Variants in NXPE4 observed in about 807,000 individuals in gnomAD.
NXPE4 encodes the protein neurexophilin and PC-esterase domain family member 4.
In NXPE4, 42 loss-of-function variants were observed where a neutral mutation model predicts 33.3. The observed-to-expected ratio is 1.26, with a 90% confidence interval of 0.98 to 1.63. NXPE4 has a LOEUF of 1.63. Among genes scored for constraint, NXPE4 ranks in the 40% most tolerant of loss-of-function variants. The probability of loss-of-function intolerance (pLI) is 0.00; values close to 1 mark genes in which losing one functional copy is unlikely to be tolerated. For synonymous variants in NXPE4, 253 were observed against 234.9 expected, an observed-to-expected ratio of 1.08 and a Z score of -0.71; for missense variants, 709 against 647.6, an observed-to-expected ratio of 1.09 and a Z score of -1.03.
the NXPE4 span, among the ~76,000 whole-genome samples, chr11:114,607,116 C>T: frequency 2.1e-4 from 31 of 150,688 alleles, no homozygotes; most frequent in Admixed American, 1.1e-3. Flanking sequence ...CACTGTTACC[C>T]GGTTTATAAT....
chr11:114,577,909 C>T (rs147226011), intron 5 of NXPE4, among the ~76,000 whole-genome samples: 71 of 152,244 alleles, frequency 4.7e-4, no homozygotes, highest in African/African-American at 1.7e-3. Context: ...ATAAGTATTA[C>T]TAGTCATTTG....
the NXPE4 span, among the ~76,000 whole-genome samples, chr11:114,628,448 A>G: frequency 6.6e-6 from 1 of 152,222 alleles, no homozygotes; most frequent in Non-Finnish European, 1.5e-5. Context: ...TGAAAGCAGA[A>G]ATAAAGATGT....
At chr11:114,572,937 G>GA (rs1230706759) in intron 5 of NXPE4, among the ~76,000 whole-genome samples, 2 of 152,076 alleles carry the variant, frequency 1.3e-5, no homozygotes, top group East Asian at 1.9e-4. Flanking sequence ...CAAGATGAAG[G>GA]AAAAAATCTT....
At chr11:114,577,674 G>A (rs1236614209) in intron 5 of NXPE4, among the ~76,000 whole-genome samples, 1 of 152,166 alleles carries the variant, frequency 6.6e-6, no homozygotes, top group East Asian at 1.9e-4. Context: ...TTCCTTGGAG[G>A]ATTATGTGGT....
chr11:114,674,834 A>T, the NXPE4 span, among the ~76,000 whole-genome samples: 1 of 151,816 alleles, frequency 6.6e-6, no homozygotes. Flanking sequence ...TCAAAGCCAG[A>T]CAAGGACGCT....
chr11:114,584,867 G>T (rs917184371), intron 2 of NXPE4, among the ~76,000 whole-genome samples: 6 of 152,274 alleles, frequency 3.9e-5, no homozygotes, highest in Admixed American at 3.3e-4. Context: ...GCTGTGCTGG[G>T]TGATCTCTTC....
At chr11:114,630,389 C>A in the NXPE4 span, among the ~76,000 whole-genome samples, 1 of 151,786 alleles carries the variant, frequency 6.6e-6, no homozygotes, top group African/African-American at 2.4e-5. Context: ...ACTATCTGAT[C>A]TTTGAGAAAC....
upstream of NXPE4, among the ~76,000 whole-genome samples, chr11:114,599,537 G>T (rs754494279): frequency 6.6e-6 from 1 of 152,128 alleles, no homozygotes; most frequent in Admixed American, 6.6e-5. Flanking sequence ...AAATATTTGA[G>T]ACTGGGTAAT....
chr11:114,677,612 C>T, the NXPE4 span, among the ~76,000 whole-genome samples: 432 of 152,046 alleles, frequency 2.8e-3, 5 homozygotes, highest in Admixed American at 0.019. Flanking sequence ...GCTGTGATTA[C>T]AGTTCTGATA....
the NXPE4 span, among the ~76,000 whole-genome samples, chr11:114,632,699 TATATA>T: frequency 1.1e-3 from 77 of 71,960 alleles, no homozygotes; most frequent in African/African-American, 3.4e-3. Context: ...TTTATATATT[TATATA>T]ATATAATATA....
At chr11:114,636,053 C>G in the NXPE4 span, among the ~76,000 whole-genome samples, 1 of 151,218 alleles carries the variant, frequency 6.6e-6, no homozygotes, top group Admixed American at 6.6e-5. Flanking sequence ...CCAGTTCCTC[C>G]TTGTACCTCT....
chr11:114,608,448 T>A, the NXPE4 span, among the ~76,000 whole-genome samples: 1 of 151,914 alleles, frequency 6.6e-6, no homozygotes, highest in Non-Finnish European at 1.5e-5. Context: ...AAAGCACTGT[T>A]ACTCAGAGGA....
At chr11:114,601,783 TAAC>T in the NXPE4 span, among the ~76,000 whole-genome samples, 229 of 73,222 alleles carry the variant, frequency 3.1e-3, 8 homozygotes, top group African/African-American at 0.012. Flanking sequence ...TATAATTATA[TAAC>T]ATGTGATATA....
rs1206377792 is a variant in NXPE4, at chr11:114,582,605, C to T, written c.513G>A (p.Trp171Ter). 2.5e-6 allele frequency: 4 copies of T among 1,614,128 alleles called. No individual in the cohort carries two copies. Among genetic ancestry groups the T allele is most frequent in the Non-Finnish European group, 3.4e-6 (4 of 1,179,994 alleles). ...GCAGAGACAGAGAGACCTGGCCCTC[C>T]CAGAACAGAGTGAAGCTGACCAGGT... is the stretch of plus-strand genomic sequence containing the variant. ...GTYLVSFTLF[W>*]EGQVSLSLLL... Residue 171 changes from tryptophan (W) to a stop codon, truncating the protein, a stop_gained, in exon 3 of 6, where the codon TGG (tryptophan) becomes TGA (stop). Transcript: ENST00000375478. LOFTEE classifies it high-confidence loss of function.
At chr11:114,612,730 C>G in the NXPE4 span, among the ~76,000 whole-genome samples, 1 of 151,702 alleles carries the variant, frequency 6.6e-6, no homozygotes, top group Non-Finnish European at 1.5e-5. Context: ...TCGTGGGTAA[C>G]CACTGTTACC....
At chr11:114,660,478 G>T in the NXPE4 span, among the ~76,000 whole-genome samples, 1 of 151,856 alleles carries the variant, frequency 6.6e-6, no homozygotes, top group Admixed American at 6.6e-5. Context: ...ATCAATCAAA[G>T]TAATCACCAT....
At chr11:114,572,944 T>A (rs917611184) in intron 5 of NXPE4, among the ~76,000 whole-genome samples, 5 of 152,002 alleles carry the variant, frequency 3.3e-5, no homozygotes, top group Admixed American at 6.6e-5. Context: ...AAGGAAAAAA[T>A]CTTAAGAGCT....
At chr11:114,633,842 A>C in the NXPE4 span, among the ~76,000 whole-genome samples, 1 of 152,086 alleles carries the variant, frequency 6.6e-6, no homozygotes, top group East Asian at 1.9e-4. Flanking sequence ...TATGTGCCAC[A>C]TTATCTTAAT....
intron 5 of NXPE4, among the ~76,000 whole-genome samples, chr11:114,574,334 G>T (rs1243811531): frequency 1.3e-5 from 2 of 150,434 alleles, no homozygotes; most frequent in East Asian, 3.9e-4. Flanking sequence ...ACCCAAACCT[G>T]GCAGAAAAAA....
Sources: gnomAD v4.1 joint callset for allele counts (sites outside exome capture counted in the v4.1 genomes callset) on GRCh38, gnomAD v4.1.1 for gene constraint, MANE v1.5 for transcripts, NCBI Gene and HGNC (gene_info 2026-07-23, HGNC 2026-07-21) for gene names.